LRFN5: variants seen among roughly 807,000 people sequenced by gnomAD.
LRFN5 encodes the protein leucine rich repeat and fibronectin type III domain containing 5, also known as leucine-rich repeat and fibronectin type-III domain-containing protein 5.
Under a neutral mutation model 45.6 loss-of-function variants are expected in LRFN5, and 24 were observed. The ratio of observed to expected loss-of-function variants is 0.53; its 90% CI spans 0.38 to 0.74. The LOEUF (loss-of-function observed/expected upper bound fraction) is 0.74. Ranked by LOEUF, LRFN5 falls within the 30% of genes least tolerant of loss-of-function variation. LRFN5 has a pLI of 0.00. For missense variants in LRFN5, 776 were observed against 861.5 expected, an observed-to-expected ratio of 0.90 and a Z score of 1.24; for synonymous variants, 340 against 313.8, an observed-to-expected ratio of 1.08 and a Z score of -0.88.
intron 2 of LRFN5, among the ~76,000 whole-genome samples, chr14:41,820,153 C>T (rs545915657): frequency 1.8e-4 from 28 of 151,836 alleles, no homozygotes; most frequent in Non-Finnish European, 3.4e-4. Flanking sequence ...GTTTTTGTTG[C>T]ATTTGCTTTT....
At chr14:41,754,533 A>T (rs544510485) in intron 1 of LRFN5, among the ~76,000 whole-genome samples, 39 of 151,848 alleles carry the variant, frequency 2.6e-4, no homozygotes, top group African/African-American at 8.7e-4. Context: ...TTTCTTCTAG[A>T]TTTTCTAGTT....
intron 2 of LRFN5, among the ~76,000 whole-genome samples, chr14:41,813,849 C>T (rs936623709): frequency 6.6e-6 from 1 of 152,166 alleles, no homozygotes; most frequent in East Asian, 1.9e-4. Flanking sequence ...ACCTCTCCAG[C>T]GTCTGTTGCT....
At chr14:41,734,450 C>T (rs1359023404) in intron 1 of LRFN5, among the ~76,000 whole-genome samples, 1 of 148,514 alleles carries the variant, frequency 6.7e-6, no homozygotes. Context: ...TCTATTTTAT[C>T]TTATATAAGT....
chr14:41,866,272 T>C (rs1207157369), intron 2 of LRFN5, among the ~76,000 whole-genome samples: 2 of 152,112 alleles, frequency 1.3e-5, no homozygotes, highest in Non-Finnish European at 2.9e-5. Context: ...ATTCTGACAA[T>C]TATAGATTGT....
At chr14:41,703,484 T>G (rs549072563) in intron 1 of LRFN5, among the ~76,000 whole-genome samples, 1 of 152,294 alleles carries the variant, frequency 6.6e-6, no homozygotes, top group African/African-American at 2.4e-5. Flanking sequence ...GTTTTCCTTT[T>G]AAACTTATTC....
At chr14:41,893,202 T>A in intron 4 of LRFN5, 1 of 977,914 alleles carries the variant, frequency 1.0e-6, no homozygotes, top group Non-Finnish European at 1.2e-6. Flanking sequence ...ATACATAATT[T>A]TTTAAAACAG....
At chr14:41,901,431 ATT>A (rs1491524034) in intron 5 of LRFN5, among the ~76,000 whole-genome samples, 1 of 67,394 alleles carries the variant, frequency 1.5e-5, no homozygotes, top group Non-Finnish European at 2.8e-5. Flanking sequence ...ATATGTATGC[ATT>A]GTGTGTGTGT....
chr14:41,764,905 A>G (rs1885816577), intron 1 of LRFN5, among the ~76,000 whole-genome samples: 1 of 151,986 alleles, frequency 6.6e-6, no homozygotes, highest in Admixed American at 6.6e-5. Context: ...TATTATTTTT[A>G]TAACAACAAA....
chr14:41,747,139 A>G (rs1023793483), intron 1 of LRFN5, among the ~76,000 whole-genome samples: 1 of 151,996 alleles, frequency 6.6e-6, no homozygotes, highest in African/African-American at 2.4e-5. Context: ...AGGATCTACA[A>G]ATTTCCAATC....
intron 2 of LRFN5, among the ~76,000 whole-genome samples, chr14:41,878,995 CTT>C (rs796271030): frequency 2.0e-5 from 3 of 152,016 alleles, no homozygotes; most frequent in African/African-American, 4.8e-5. Context: ...GTCCAAATAA[CTT>C]GGGAAAAATC....
intron 1 of LRFN5, among the ~76,000 whole-genome samples, chr14:41,689,349 A>G (rs1882264553): frequency 6.6e-6 from 1 of 152,146 alleles, no homozygotes; most frequent in Non-Finnish European, 1.5e-5. Context: ...ACATTGACTA[A>G]TCTTTCACTT....
intron 1 of LRFN5, among the ~76,000 whole-genome samples, chr14:41,670,801 A>C (rs1298229123): frequency 2.0e-5 from 3 of 151,866 alleles, no homozygotes; most frequent in Non-Finnish European, 2.9e-5. Flanking sequence ...AAACACACTA[A>C]ATTTTCTGTT....
intron 2 of LRFN5, among the ~76,000 whole-genome samples, chr14:41,883,465 G>A (rs1048614242): frequency 6.6e-6 from 1 of 152,080 alleles, no homozygotes; most frequent in Non-Finnish European, 1.5e-5. Context: ...TCAGCCTAAA[G>A]ACACTATCCT....
At chr14:41,646,846 G>A (rs141902961) in intron 1 of LRFN5, among the ~76,000 whole-genome samples, 375 of 152,200 alleles carry the variant, frequency 2.5e-3, no homozygotes, top group Non-Finnish European at 3.7e-3. Context: ...AACTATGTGT[G>A]AGAACAGTCT....
chr14:41,881,031 T>C (rs937325165), intron 2 of LRFN5, among the ~76,000 whole-genome samples: 5 of 152,340 alleles, frequency 3.3e-5, no homozygotes, highest in African/African-American at 1.2e-4. Flanking sequence ...AAATGCTTCA[T>C]GGATGGCCTG....
chr14:41,814,787 G>T (rs1303701724), intron 2 of LRFN5, among the ~76,000 whole-genome samples: 3 of 152,094 alleles, frequency 2.0e-5, no homozygotes, highest in African/African-American at 7.2e-5. Context: ...GGACAAATTG[G>T]ACGGCATCTT....
intron 2 of LRFN5, among the ~76,000 whole-genome samples, chr14:41,835,685 T>C (rs1888637748): frequency 6.6e-6 from 1 of 152,014 alleles, no homozygotes; most frequent in Non-Finnish European, 1.5e-5. Context: ...ACGGTCACGC[T>C]ACTGCACTCC....
intron 2 of LRFN5, among the ~76,000 whole-genome samples, chr14:41,875,750 A>G (rs1337194313): frequency 6.6e-6 from 1 of 152,154 alleles, no homozygotes; most frequent in Non-Finnish European, 1.5e-5. Flanking sequence ...TTACTGTGTG[A>G]AAGAAAATAG....
At chr14:41,788,064 T>C (rs1360322929) in intron 2 of LRFN5, among the ~76,000 whole-genome samples, 1 of 152,124 alleles carries the variant, frequency 6.6e-6, no homozygotes, top group Non-Finnish European at 1.5e-5. Context: ...TCAACTCTTC[T>C]GGCTCCCTGA....
Sources: allele counts gnomAD v4.1 joint callset (sites outside exome capture counted in the v4.1 genomes callset), GRCh38; gene constraint gnomAD v4.1.1; transcripts MANE v1.5; gene names NCBI Gene and HGNC (gene_info 2026-07-23, HGNC 2026-07-21).